GART: variants seen among roughly 807,000 people sequenced by gnomAD.
GART encodes the protein trifunctional purine biosynthetic protein adenosine-3.
GART carries 43 observed loss-of-function variants against 107.2 expected under a neutral mutation model. The ratio of observed to expected loss-of-function variants is 0.40; its 90% confidence interval spans 0.31 to 0.52. The LOEUF is 0.52. GART is among the 20% of genes least tolerant of loss of function. The pLI is 0.52. For missense variants in GART, 1,107 were observed against 1,206.5 expected (o/e 0.92, Z 1.22); for synonymous variants, 434 against 427.0 (o/e 1.02, Z -0.20).
At chr21:33,518,745 C>CATTA in intron 14 of GART, 1 of 451,254 alleles carries the variant, frequency 2.2e-6, no homozygotes, top group Admixed American at 2.5e-5. Flanking sequence ...CCATCCCCTC[C>CATTA]ATTAGCAAGC....
chr21:33,513,098 T>A lies in GART; in HGVS notation c.2108-1640A>T, dbSNP rs1391137059. On this transcript the variant is annotated intron_variant, in intron 16 of 21. Transcript: ENST00000381815. ...ACTTGGTTATTTGTGTGTGTGTGTG[T>A]GTGTCTCTGTGTGTGTGTGTGTGTG... 5.9e-5 allele frequency among the ~76,000 whole-genome samples: 6 copies of A among 101,544 alleles called. No individual in the cohort carries two copies. The East Asian group carries it at 1.8e-3, about 30-fold the overall frequency. The allele number at this position is 101,544 out of a possible 152,430, so 66.6% of individuals were successfully genotyped here.
chr21:33,516,522 T>C (rs2084882675), intron 16 of GART, among the ~76,000 whole-genome samples: 2 of 152,210 alleles, frequency 1.3e-5, no homozygotes. Flanking sequence ...CTTACTCTTC[T>C]TCCTATGTTA....
intron 3 of GART, 137 bp from the exon 4 acceptor site, chr21:33,534,890 A>G (rs76095185): frequency 0.022 from 15,121 of 679,628 alleles, 228 homozygotes; most frequent in Middle Eastern, 0.05. Context: ...TAACTTTTTC[A>G]TGTTGTCTAC....
chr21:33,510,192 G>A, intron 17 of GART: 1 of 307,820 alleles, frequency 3.2e-6, no homozygotes, highest in Non-Finnish European at 6.0e-6. Flanking sequence ...CTGCCTGCCA[G>A]TATTCTGCCC....
intron 4 of GART, 29 bp from the exon 5 acceptor site, chr21:33,532,485 C>T: frequency 6.7e-7 from 1 of 1,492,648 alleles, no homozygotes; most frequent in Non-Finnish European, 9.3e-7. Context: ...CGTCAACATC[C>T]AATAAACCAT....
In GART at chr21:33,511,380, C is replaced by G. The variant is rs2084782409; in HGVS notation, c.2186G>C (p.Arg729Thr). 1 of 1,614,050 alleles carries G rather than the reference C, an allele frequency of 6.2e-7. No individual in the cohort carries two copies. Among genetic ancestry groups the G allele is most frequent in the African/African-American group, 1.3e-5 (1 of 74,920 alleles). Residue 729 changes from arginine to threonine, a missense_variant, in exon 17 of 22, where the codon AGA (arginine) becomes ACA (threonine). Coordinates refer to ENST00000381815, the MANE Select transcript of GART (RefSeq NM_000819.5). ...EGHLSEEEMA[R>T]TFNCGVGAVL... ...AGCGCCAACCCCACAGTTAAATGTTCTGGCCATCTCTTCCTCAGAGAGGTG... is the reference window on the plus strand; with the variant it reads ...AGCGCCAACCCCACAGTTAAATGTTGTGGCCATCTCTTCCTCAGAGAGGTG...
At chr21:33,517,689 A>G in intron 14 of GART, 81 bp from the exon 15 acceptor site, 2 of 1,376,474 alleles carry the variant, frequency 1.5e-6, no homozygotes, top group Admixed American at 1.8e-5. Flanking sequence ...TACTCTTAAC[A>G]TGAACAACTA....
chr21:33,525,084 CTTT>C (rs35083461), intron 10 of GART, 84 bp from the exon 11 acceptor site: 444 of 1,358,114 alleles, frequency 3.3e-4, no homozygotes, highest in East Asian at 9.7e-4. Flanking sequence ...CCACAAGTTT[CTTT>C]TTTTTTTTTT....
rs757214804 is a variant in GART, at chr21:33,531,589, TA to T, written c.529-33del. The T allele has an allele frequency of 6.4e-4, 771 of 1,203,864 alleles. 4 individuals are homozygous for T. Among genetic ancestry groups the T allele is most frequent in the African/African-American group, 4.8e-3 (311 of 64,868 alleles). The allele number at this position is 1,203,864 out of a possible 1,614,324, so 74.6% of individuals were successfully genotyped here. On this transcript the variant is annotated intron_variant, in intron 5 of 21. Transcript: ENST00000381815. ...GTAAGATTTTTTTTTTTTTTTTTTT[TA>T]AAAAAAGAGGCTTGGTAAGTTTTTG...
intron 12 of GART, among the ~76,000 whole-genome samples, 190 bp downstream of exon 12, chr21:33,521,998 T>A: frequency 6.7e-6 from 1 of 148,872 alleles, no homozygotes; most frequent in Non-Finnish European, 1.5e-5. Context: ...TCCTTTTGAG[T>A]TTAACATGAC....
intron 12 of GART, 23 bp downstream of exon 12, chr21:33,522,165 T>G: frequency 6.4e-7 from 1 of 1,551,418 alleles, no homozygotes. Flanking sequence ...GTTAATGAAT[T>G]AGCAAAGTAT....
Position 33,541,868 on chromosome 21 carries a change from G to T in GART, c.-42+197C>A, listed in dbSNP as rs79380555. Reference sequence around the variant, plus strand: ...AAAGGCCTTGACATCTTAGAAAACAGGAAAAGTAAAAGAGCAAATAGAAAC... The same window carrying T: ...AAAGGCCTTGACATCTTAGAAAACATGAAAAGTAAAAGAGCAAATAGAAAC... On this transcript the variant is annotated intron_variant, in intron 1 of 21. Coordinates refer to ENST00000381815, the MANE Select transcript of GART (RefSeq NM_000819.5). 2.0e-3 allele frequency among the ~76,000 whole-genome samples: 299 copies of T among 152,272 alleles called. 1 individual carries two copies. Among genetic ancestry groups the T allele is most frequent in the African/African-American group, 6.3e-3 (261 of 41,544 alleles).
intron 7 of GART, among the ~76,000 whole-genome samples, chr21:33,530,226 T>C (rs999026150): frequency 2.0e-5 from 3 of 152,200 alleles, no homozygotes; most frequent in Non-Finnish European, 2.9e-5. Flanking sequence ...TGTGCCGAAA[T>C]TGTTTGGAAA....
chr21:33,531,970 G>A (rs112734752), intron 5 of GART: 2 of 244,802 alleles, frequency 8.2e-6, no homozygotes, highest in Non-Finnish European at 7.8e-6. Context: ...AACAAAGATC[G>A]ATCACGAAAG....
chr21:33,524,676 A>G, intron 11 of GART, 93 bp downstream of exon 11: 1 of 1,550,070 alleles, frequency 6.5e-7, no homozygotes, highest in Non-Finnish European at 8.7e-7. Flanking sequence ...AGAAAAGAAT[A>G]CTGAATGACT....
intron 20 of GART, 134 bp downstream of exon 20, chr21:33,505,427 A>C (rs575966101): frequency 3.1e-6 from 2 of 654,972 alleles, no homozygotes; most frequent in South Asian, 5.4e-5. Context: ...TAAAGTATTA[A>C]TAAAATATCA....
chr21:33,526,764 A>G (rs1375257011), intron 10 of GART, among the ~76,000 whole-genome samples: 1 of 152,234 alleles, frequency 6.6e-6, no homozygotes, highest in Non-Finnish European at 1.5e-5. Flanking sequence ...TAGTTAAAAC[A>G]TTATTAGACT....
At position 33,520,571 on chromosome 21, in the gene GART, G is replaced by C; in HGVS notation, c.1504-9C>G. ...TTGCATAGCTGGGCAATCTATGTAA[G>C]AACAATATAAACATCCACATTAGGG... On this transcript the variant is annotated splice_polypyrimidine_tract_variant and intron_variant, in intron 13 of 21. Coordinates refer to ENST00000381815, the MANE Select transcript of GART (RefSeq NM_000819.5). 6.2e-7 allele frequency: 1 copy of C among 1,610,210 alleles called. No individual in the cohort carries two copies. Among genetic ancestry groups the C allele is most frequent in the Non-Finnish European group, 8.5e-7 (1 of 1,176,864 alleles).
chr21:33,530,380 T>C (rs2085161703), intron 7 of GART, among the ~76,000 whole-genome samples: 2 of 152,184 alleles, frequency 1.3e-5, no homozygotes, highest in South Asian at 4.1e-4. Flanking sequence ...CTGATGTGAC[T>C]TGGTTCTCAA....
Sources: allele counts gnomAD v4.1 joint callset (sites outside exome capture counted in the v4.1 genomes callset), GRCh38; gene constraint gnomAD v4.1.1; transcripts MANE v1.5; gene names NCBI Gene and HGNC (gene_info 2026-07-23, HGNC 2026-07-21).